The following MLLT3 variants were observed in gnomAD, a reference collection of about 807,000 sequenced individuals.
The protein encoded by MLLT3 is MLLT3 super elongation complex subunit.
A neutral mutation model predicts 53.2 loss-of-function variants in MLLT3; 4 were observed. The ratio of observed to expected loss-of-function variants is 0.08; its 90% confidence interval spans 0.04 to 0.17. MLLT3 has a LOEUF of 0.17. Among genes scored for constraint, MLLT3 ranks in the 10% least tolerant of loss-of-function variants. The pLI is 1.00. For synonymous variants in MLLT3, 283 were observed against 230.6 expected (o/e 1.23, Z -2.06); for missense variants, 569 against 684.0 (o/e 0.83, Z 1.87).
chr9:20,503,287 T>G (rs531503090), intron 2 of MLLT3, among the ~76,000 whole-genome samples: 158 of 152,242 alleles, frequency 1.0e-3, no homozygotes, highest in Non-Finnish European at 2.0e-3. Context: ...CTATCTAACT[T>G]CAAAGTATAC....
chr9:20,545,531 G>C (rs1042994082), intron 2 of MLLT3, among the ~76,000 whole-genome samples: 1 of 152,122 alleles, frequency 6.6e-6, no homozygotes, highest in African/African-American at 2.4e-5. Flanking sequence ...TGTACATTTG[G>C]AAACTATTGG....
chr9:20,358,874 C>T (rs549303553), intron 8 of MLLT3, among the ~76,000 whole-genome samples: 2 of 152,096 alleles, frequency 1.3e-5, no homozygotes, highest in South Asian at 2.1e-4. Context: ...AAAATATCAT[C>T]GGCTGGGAGC....
chr9:20,606,182 G>A (rs1460278025), intron 2 of MLLT3, among the ~76,000 whole-genome samples: 1 of 152,072 alleles, frequency 6.6e-6, no homozygotes, highest in Non-Finnish European at 1.5e-5. Flanking sequence ...GGGTCTTGGA[G>A]CCCACTGCCT....
Position 20,408,376 on chromosome 9 carries a change from T to C in MLLT3, c.1125+5345A>G, listed in dbSNP as rs1001670786. Among the ~76,000 whole-genome samples the C allele has an allele frequency of 9.3e-5, 14 of 151,262 alleles. No homozygotes were observed. In the South Asian group the frequency reaches 2.5e-3, roughly 27 times the overall value. On this transcript the variant is annotated intron_variant, in intron 5 of 10. Transcript: ENST00000380338. ...CAAGGCTGCCTCCTCCTCAGTGTGATCACACCCAACACAGAAAAAAAAAAT... is the reference window on the plus strand; with the variant it reads ...CAAGGCTGCCTCCTCCTCAGTGTGACCACACCCAACACAGAAAAAAAAAAT...
At chr9:20,422,863 G>T (rs895906917) in intron 4 of MLLT3, among the ~76,000 whole-genome samples, 1 of 152,152 alleles carries the variant, frequency 6.6e-6, no homozygotes, top group Non-Finnish European at 1.5e-5. Flanking sequence ...GGTGACAGTG[G>T]TGGCAGCGGT....
At chr9:20,525,146 ACAGAGGCGTG>A (rs1818168713) in intron 2 of MLLT3, among the ~76,000 whole-genome samples, 2 of 150,882 alleles carry the variant, frequency 1.3e-5, no homozygotes, top group African/African-American at 2.4e-5. Flanking sequence ...AAAAAAAAAA[ACAGAGGCGTG>A]AAAAAAGTAG....
intron 2 of MLLT3, among the ~76,000 whole-genome samples, chr9:20,499,336 A>G (rs927714872): frequency 6.6e-6 from 1 of 152,236 alleles, no homozygotes; most frequent in Non-Finnish European, 1.5e-5. Context: ...AACTCAGCCC[A>G]TAACAGGCAT....
chr9:20,489,311 C>G (rs1469828875), intron 2 of MLLT3, among the ~76,000 whole-genome samples: 1 of 152,112 alleles, frequency 6.6e-6, no homozygotes, highest in African/African-American at 2.4e-5. Context: ...TGTAAATATC[C>G]TATAAACAAT....
At chr9:20,361,068 C>T (rs143202800) in intron 7 of MLLT3, among the ~76,000 whole-genome samples, 1 of 152,316 alleles carries the variant, frequency 6.6e-6, no homozygotes, top group Non-Finnish European at 1.5e-5. Context: ...GACGAGTAAA[C>T]TGAGACTCAG....
intron 5 of MLLT3, among the ~76,000 whole-genome samples, chr9:20,396,714 T>C (rs75599008): frequency 0.016 from 2,386 of 152,154 alleles, 26 homozygotes; most frequent in Non-Finnish European, 0.023. Flanking sequence ...GCTGACAGAA[T>C]CTACAAACTC....
intron 2 of MLLT3, among the ~76,000 whole-genome samples, chr9:20,517,359 A>G (rs1274422810): frequency 6.6e-6 from 1 of 152,106 alleles, no homozygotes; most frequent in Non-Finnish European, 1.5e-5. Flanking sequence ...CAATGAACAC[A>G]AATGGCACCC....
At position 20,374,701 on chromosome 9, in the gene MLLT3, T is replaced by A. The variant is rs142557925; in HGVS notation, c.1126-8957A>T. ...CAAAACTTTGTTATATAAAAAGATA[T>A]ATAAAAATGAGATTGAACAAACATC... On this transcript the variant is annotated intron_variant, in intron 5 of 10. Transcript: ENST00000380338. Among the ~76,000 whole-genome samples, 406 of 152,300 alleles carry A rather than the reference T, an allele frequency of 2.7e-3. 1 individual carries two copies. Among genetic ancestry groups the A allele is most frequent in the African/African-American group, 8.7e-3 (362 of 41,580 alleles).
At chr9:20,467,587 A>T (rs1250632890) in intron 2 of MLLT3, among the ~76,000 whole-genome samples, 3 of 152,220 alleles carry the variant, frequency 2.0e-5, no homozygotes, top group African/African-American at 7.2e-5. Flanking sequence ...AAAAAATAAA[A>T]TAACAAAATA....
chr9:20,607,999 G>A (rs1415491445), intron 2 of MLLT3, among the ~76,000 whole-genome samples: 1 of 151,846 alleles, frequency 6.6e-6, no homozygotes, highest in African/African-American at 2.4e-5. Flanking sequence ...AATCATCTTA[G>A]TATCAAAATA....
At chr9:20,433,765 A>G (rs898916762) in intron 4 of MLLT3, among the ~76,000 whole-genome samples, 1 of 152,132 alleles carries the variant, frequency 6.6e-6, no homozygotes, top group African/African-American at 2.4e-5. Context: ...GATGGAGGCT[A>G]AGACATGACA....
intron 4 of MLLT3, among the ~76,000 whole-genome samples, chr9:20,425,669 G>A (rs1327160913): frequency 1.3e-5 from 2 of 151,874 alleles, no homozygotes; most frequent in Non-Finnish European, 2.9e-5. Flanking sequence ...ATCTACAGAC[G>A]TAGCTTCTTA....
Position 20,573,477 on chromosome 9 carries a change from G to C in MLLT3, c.193+47177C>G, listed in dbSNP as rs551957147. On this transcript the variant is annotated intron_variant, in intron 2 of 10. Coordinates refer to ENST00000380338, the MANE Select transcript of MLLT3 (RefSeq NM_004529.4). ...TTACAGGCATGAACCACTGTGGCCA[G>C]CCACGAGGAAGATTTTAAAAACCAC... Among the ~76,000 whole-genome samples, 18 of 152,216 alleles carry C rather than the reference G, an allele frequency of 1.2e-4. 1 individual carries two copies. The South Asian group carries it at 3.7e-3, about 32-fold the overall frequency.
chr9:20,435,339 C>T (rs528994315), intron 4 of MLLT3, among the ~76,000 whole-genome samples: 1 of 152,208 alleles, frequency 6.6e-6, no homozygotes, highest in South Asian at 2.1e-4. Flanking sequence ...CCACCACACC[C>T]AGTGTTTTTT....
intron 5 of MLLT3, among the ~76,000 whole-genome samples, chr9:20,387,992 A>G (rs1822083928): frequency 6.6e-6 from 1 of 152,212 alleles, no homozygotes; most frequent in African/African-American, 2.4e-5. Context: ...TTGCCCCCCA[A>G]AAATACCTAA....
Sources: allele counts gnomAD v4.1 joint callset (sites outside exome capture counted in the v4.1 genomes callset), GRCh38; gene constraint gnomAD v4.1.1; transcripts MANE v1.5; gene names NCBI Gene and HGNC (gene_info 2026-07-23, HGNC 2026-07-21).